KIAA0825: variants seen among roughly 807,000 people sequenced by gnomAD.
KIAA0825 encodes uncharacterized protein KIAA0825.
A neutral mutation model predicts 147.6 loss-of-function variants in KIAA0825; 119 were observed. The observed-to-expected ratio is 0.81, with a 90% CI of 0.69 to 0.94. The LOEUF is 0.94. KIAA0825 is among the 40% of genes least tolerant of loss of function. KIAA0825 has a pLI of 0.00. For synonymous variants in KIAA0825, 470 were observed against 518.1 expected (o/e 0.91, Z 1.26); for missense variants, 1,381 against 1,472.7 (o/e 0.94, Z 1.02).
chr5:94,384,728 G>T (rs1748915365), intron 19 of KIAA0825, among the ~76,000 whole-genome samples: 2 of 152,066 alleles, frequency 1.3e-5, no homozygotes, highest in African/African-American at 4.8e-5. Context: ...AGTGTTAATG[G>T]CATTTGCCCA....
chr5:94,571,706 G>A (rs1039892942), intron 2 of KIAA0825, among the ~76,000 whole-genome samples: 1 of 152,152 alleles, frequency 6.6e-6, no homozygotes, highest in Non-Finnish European at 1.5e-5. Flanking sequence ...CCATTACAGA[G>A]TCATCATGGT....
chr5:94,328,836 GA>G (rs1205189378), intron 20 of KIAA0825, among the ~76,000 whole-genome samples: 2 of 151,802 alleles, frequency 1.3e-5, no homozygotes, highest in Non-Finnish European at 2.9e-5. Context: ...TAATTTTGAT[GA>G]AGAATAATAA....
chr5:94,398,888 T>C (rs1480803970), intron 16 of KIAA0825, among the ~76,000 whole-genome samples: 1 of 152,286 alleles, frequency 6.6e-6, no homozygotes, highest in South Asian at 2.1e-4. Flanking sequence ...TGAAGATATA[T>C]ATAACATTTA....
chr5:94,225,456 G>A (rs1200703250), intron 20 of KIAA0825, among the ~76,000 whole-genome samples: 1 of 152,152 alleles, frequency 6.6e-6, no homozygotes, highest in East Asian at 1.9e-4. Flanking sequence ...AAATTCATAT[G>A]CTGAAGTCCT....
intron 12 of KIAA0825, among the ~76,000 whole-genome samples, chr5:94,454,376 G>A (rs999025823): frequency 6.6e-6 from 1 of 152,114 alleles, no homozygotes; most frequent in African/African-American, 2.4e-5. Flanking sequence ...GTATCCTCAT[G>A]CTTTTTCAAA....
intron 20 of KIAA0825, among the ~76,000 whole-genome samples, chr5:94,296,036 A>T (rs1394183061): frequency 6.6e-6 from 1 of 152,050 alleles, no homozygotes; most frequent in Non-Finnish European, 1.5e-5. Context: ...CCTCTGCTTC[A>T]GGGAGATGGG....
At chr5:94,472,798 C>A (rs1761390039) in intron 8 of KIAA0825, among the ~76,000 whole-genome samples, 1 of 152,084 alleles carries the variant, frequency 6.6e-6, no homozygotes, top group Admixed American at 6.6e-5. Flanking sequence ...TTGCTGAAAT[C>A]ATTCTGGATT....
chr5:94,526,534 G>T (rs1272765063), intron 3 of KIAA0825, among the ~76,000 whole-genome samples: 1 of 151,932 alleles, frequency 6.6e-6, no homozygotes, highest in Admixed American at 6.6e-5. Context: ...AATTAGCCCA[G>T]TTAATGATGT....
chr5:94,566,568 T>C (rs1344637067), intron 2 of KIAA0825, among the ~76,000 whole-genome samples: 1 of 152,132 alleles, frequency 6.6e-6, no homozygotes, highest in East Asian at 1.9e-4. Flanking sequence ...TATTTTTGCA[T>C]ACTTTAATGA....
chr5:94,468,158 G>A (rs552768505), intron 10 of KIAA0825, among the ~76,000 whole-genome samples: 3 of 152,242 alleles, frequency 2.0e-5, no homozygotes, highest in African/African-American at 7.2e-5. Context: ...ATGTTACATG[G>A]TAATTTGTTG....
intron 14 of KIAA0825, among the ~76,000 whole-genome samples, chr5:94,430,297 T>C (rs1755497493): frequency 6.6e-6 from 1 of 152,228 alleles, no homozygotes; most frequent in Non-Finnish European, 1.5e-5. Flanking sequence ...TGGTACATAC[T>C]TGATGCTCAC....
At position 94,396,311 on chromosome 5, in the gene KIAA0825, C is replaced by T; in HGVS notation, c.3086G>A (p.Gly1029Glu). Residue 1029 changes from glycine to glutamate, a missense_variant, in exon 17 of 21, where the codon GGA (glycine) becomes GAA (glutamate). Coordinates refer to ENST00000682413, the MANE Select transcript of KIAA0825 (RefSeq NM_001145678.3). Reference sequence around the variant, plus strand: ...ACCTGTTAAAAGTTCCACAGTGTTTCCGTCCTCAAATATCCGACATATAAT... The same window carrying T: ...ACCTGTTAAAAGTTCCACAGTGTTTTCGTCCTCAAATATCCGACATATAAT... Reference protein sequence around the residue: ...IVIICRIFEDGNTVELLTGAS... With the variant: ...IVIICRIFEDENTVELLTGAS... 1.3e-6 allele frequency: 2 copies of T among 1,550,634 alleles called. No individual in the cohort carries two copies. Among genetic ancestry groups the T allele is most frequent in the South Asian group, 2.4e-5 (2 of 83,824 alleles).
At chr5:94,246,666 G>C (rs1775632280) in intron 20 of KIAA0825, among the ~76,000 whole-genome samples, 1 of 152,148 alleles carries the variant, frequency 6.6e-6, no homozygotes, top group Non-Finnish European at 1.5e-5. Flanking sequence ...TGCATACATA[G>C]AGCAGATATG....
At chr5:94,442,490 C>G (rs1337881900) in intron 13 of KIAA0825, among the ~76,000 whole-genome samples, 1 of 152,136 alleles carries the variant, frequency 6.6e-6, no homozygotes, top group Non-Finnish European at 1.5e-5. Context: ...TTCTGAATTA[C>G]TTTTGCAGAT....
chr5:94,156,919 G>A (rs1280828087), intron 20 of KIAA0825, among the ~76,000 whole-genome samples: 1 of 151,902 alleles, frequency 6.6e-6, no homozygotes, highest in African/African-American at 2.4e-5. Context: ...TCTTAACGAA[G>A]TTTTTCTTTA....
intron 3 of KIAA0825, among the ~76,000 whole-genome samples, chr5:94,529,990 G>C (rs1053805155): frequency 1.3e-5 from 2 of 152,056 alleles, no homozygotes; most frequent in African/African-American, 4.8e-5. Context: ...GGACTTACTA[G>C]CTGGGCATGG....
chr5:94,500,412 G>C (rs1562563308), intron 5 of KIAA0825, among the ~76,000 whole-genome samples: 3 of 152,140 alleles, frequency 2.0e-5, no homozygotes, highest in African/African-American at 7.2e-5. Flanking sequence ...GAAATATTTA[G>C]GTGGTCAGGC....
intron 20 of KIAA0825, among the ~76,000 whole-genome samples, chr5:94,224,593 T>C (rs531147331): frequency 6.6e-6 from 1 of 152,300 alleles, no homozygotes; most frequent in Non-Finnish European, 1.5e-5. Flanking sequence ...CATGAGGTGA[T>C]GACTATAAAT....
chr5:94,258,535 A>G (rs570869400), intron 20 of KIAA0825, among the ~76,000 whole-genome samples: 1 of 152,006 alleles, frequency 6.6e-6, no homozygotes, highest in Admixed American at 6.6e-5. Context: ...TTTTTCCCCC[A>G]GCAACATCAA....
Sources: gnomAD v4.1 joint callset for allele counts (sites outside exome capture counted in the v4.1 genomes callset) on GRCh38, gnomAD v4.1.1 for gene constraint, MANE v1.5 for transcripts, NCBI Gene and HGNC (gene_info 2026-07-23, HGNC 2026-07-21) for gene names.